Variants in TMEM181 observed in about 807,000 individuals in gnomAD.
The protein encoded by TMEM181 is transmembrane protein 181.
A neutral mutation model predicts 71.9 loss-of-function variants in TMEM181; 39 were observed. The observed-to-expected ratio is 0.54, with a 90% CI of 0.42 to 0.71. The LOEUF is 0.71. Ranked by LOEUF, TMEM181 falls within the 30% of genes least tolerant of loss-of-function variation. TMEM181 has a pLI of 0.00. For synonymous variants in TMEM181, 245 were observed against 228.8 expected (o/e 1.07, Z -0.64); for missense variants, 595 against 583.0 (o/e 1.02, Z -0.21).
chr6:158,590,742 G>C (rs780587463), intron 6 of TMEM181, among the ~76,000 whole-genome samples: 8 of 152,352 alleles, frequency 5.3e-5, no homozygotes, highest in Non-Finnish European at 1.2e-4. Context: ...GATTGCAGGC[G>C]TGAGCCACCG....
rs527900366 is a variant in TMEM181 at position 158,589,693 on chromosome 6, G to A, written c.403G>A (p.Ala135Thr). 6.8e-6 allele frequency: 11 copies of A among 1,614,036 alleles called. No individual in the cohort carries two copies. In the South Asian group the frequency reaches 8.8e-5, roughly 13 times the overall value. ...GCAGAAATGTGCGGAGATTATTGTGGCTCACCTTGGCTACCTGAACTACAC... is the reference window on the plus strand; with the variant it reads ...GCAGAAATGTGCGGAGATTATTGTGACTCACCTTGGCTACCTGAACTACAC... ...CAGKCAEIIV[A>T]HLGYLNYTQY... The change falls in exon 6 of 17, where the codon GCT becomes ACT. Residue 135 changes from alanine (A) to threonine (T), a missense_variant. Physicochemically the swap from Ala to Thr is moderately conservative, Grantham distance 58. Coordinates refer to ENST00000684151, the MANE Select transcript of TMEM181 (RefSeq NM_001376852.1).
rs114720573 is a variant in TMEM181 at position 158,602,483 on chromosome 6, C to T, written c.493-2784C>T. ...AGTGGTTGTGTTACTTTATGTTACA[C>T]CAGTAGCGTGTGAGGGTTTCAGTTA... On this transcript the variant is annotated intron_variant, in intron 6 of 16. Coordinates refer to ENST00000684151, the MANE Select transcript of TMEM181 (RefSeq NM_001376852.1). Among the ~76,000 whole-genome samples the T allele has an allele frequency of 2.8e-3, 425 of 152,312 alleles. 1 individual carries two copies. The highest frequency in any genetic ancestry group is 7.2e-3 in the African/African-American group (298 of 41,562).
intron 1 of TMEM181, among the ~76,000 whole-genome samples, chr6:158,546,894 A>G (rs1582918771): frequency 1.3e-5 from 2 of 152,290 alleles, no homozygotes; most frequent in Admixed American, 6.5e-5. Context: ...CGGGAGGTGG[A>G]GGTTGCAGTG....
intron 6 of TMEM181, among the ~76,000 whole-genome samples, chr6:158,594,420 T>C (rs563181249): frequency 1.4e-3 from 209 of 152,262 alleles, no homozygotes; most frequent in African/African-American, 4.8e-3. Flanking sequence ...TTTTCCAGAA[T>C]GTCATCTAGT....
intron 1 of TMEM181, 100 bp from the exon 2 acceptor site, chr6:158,573,320 T>C: frequency 5.1e-6 from 4 of 778,480 alleles, no homozygotes; most frequent in Non-Finnish European, 8.3e-6. Context: ...GGAGGGGAGG[T>C]GGGCAGTGTC....
At chr6:158,566,243 G>GT (rs144472012) in intron 1 of TMEM181, among the ~76,000 whole-genome samples, 157 of 152,238 alleles carry the variant, frequency 1.0e-3, no homozygotes, top group African/African-American at 3.8e-3. Flanking sequence ...AAGTGGTTGA[G>GT]TAGGGGTCTG....
intron 3 of TMEM181, among the ~76,000 whole-genome samples, chr6:158,582,033 C>T (rs1057483644): frequency 6.6e-6 from 1 of 152,062 alleles, no homozygotes; most frequent in African/African-American, 2.4e-5. Context: ...GTTTTCTACC[C>T]TTATAATTTT....
At chr6:158,542,937 G>A (rs760134930) in intron 1 of TMEM181, among the ~76,000 whole-genome samples, 14 of 143,838 alleles carry the variant, frequency 9.7e-5, no homozygotes, top group Non-Finnish European at 1.8e-4. Flanking sequence ...GTGCAGTGGC[G>A]TGATCTCAGC....
chr6:158,583,934 CTTTG>C lies in TMEM181; in HGVS notation c.169-16_169-13del, dbSNP rs1562635235. 5 of 1,576,198 alleles carry C rather than the reference CTTTG, an allele frequency of 3.2e-6. No individual in the cohort carries two copies. Among genetic ancestry groups the C allele is most frequent in the Non-Finnish European group, 3.5e-6 (4 of 1,157,732 alleles). ...CTCAATGAAAAGGTCACATGGATTACTTTGTTTTTTTTTCTTCAGCTAAAGCCAA... is the reference window on the plus strand; with the variant it reads ...CTCAATGAAAAGGTCACATGGATTACTTTTTTTTTCTTCAGCTAAAGCCAA... On this transcript the variant is annotated splice_polypyrimidine_tract_variant and intron_variant, in intron 3 of 16. Transcript: ENST00000684151.
chr6:158,620,535 G>T lies in TMEM181; in HGVS notation c.897-3015G>T, dbSNP rs1016922815. 6.6e-6 allele frequency among the ~76,000 whole-genome samples: 1 copy of T among 152,182 alleles called. No individual in the cohort carries two copies. Among genetic ancestry groups the T allele is most frequent in the Admixed American group, 6.5e-5 (1 of 15,280 alleles). On this transcript the variant is annotated intron_variant, in intron 10 of 16. Coordinates refer to ENST00000684151, the MANE Select transcript of TMEM181 (RefSeq NM_001376852.1). The surrounding 1 kb of genome is among the most constrained non-coding windows in gnomAD (Gnocchi z 4.5). The stretch of plus-strand genomic sequence containing the variant: ...GAGAGAAAGAAGAGGGAGAAAGAGG[G>T]AGCAAGGGTTAGGGAGCGAAATACC...
At chr6:158,554,486 C>T (rs904876153) in intron 1 of TMEM181, among the ~76,000 whole-genome samples, 8 of 152,208 alleles carry the variant, frequency 5.3e-5, no homozygotes, top group African/African-American at 1.7e-4. Flanking sequence ...TCCCAAAGTG[C>T]TAGGATTATA....
chr6:158,610,621 C>A, intron 10 of TMEM181: 2 of 350,532 alleles, frequency 5.7e-6, no homozygotes, highest in Non-Finnish European at 1.0e-5. Context: ...CTTTTCCTCC[C>A]GAGCTTCTGG....
chr6:158,594,349 T>C (rs2128308063), intron 6 of TMEM181, among the ~76,000 whole-genome samples: 1 of 152,196 alleles, frequency 6.6e-6, no homozygotes, highest in African/African-American at 2.4e-5. Context: ...TCCGCCTGCC[T>C]CGGCCTCCGA....
chr6:158,622,022 C>T (rs1785991510), intron 10 of TMEM181, among the ~76,000 whole-genome samples: 1 of 152,180 alleles, frequency 6.6e-6, no homozygotes, highest in African/African-American at 2.4e-5. Flanking sequence ...AAGGCTGCCT[C>T]CGGACAGCCC....
chr6:158,573,391 C>T (rs757776002), intron 1 of TMEM181, 29 bp from the exon 2 acceptor site: 23 of 1,548,014 alleles, frequency 1.5e-5, no homozygotes, highest in Middle Eastern at 1.7e-4. Context: ...TTCCCCTGAC[C>T]GTCCCTCACT....
chr6:158,536,795 C>A, exon 1 of TMEM181: 1 of 1,561,668 alleles, frequency 6.4e-7, no homozygotes, highest in Non-Finnish European at 8.6e-7. Flanking sequence ...GCACCTGTGC[C>A]GGCGGCTGCG....
At chr6:158,557,416 C>CAA (rs1464249831), upstream of TMEM181, among the ~76,000 whole-genome samples, 3 of 152,130 alleles carry the variant, frequency 2.0e-5, no homozygotes, top group Non-Finnish European at 4.4e-5. Context: ...TCACACCAGG[C>CAA]TTCTTAGAGC....
chr6:158,540,378 C>A (rs2128277072), intron 1 of TMEM181, among the ~76,000 whole-genome samples: 1 of 152,322 alleles, frequency 6.6e-6, no homozygotes, highest in Admixed American at 6.5e-5. Context: ...ATATGCCCTG[C>A]AGAAATGCAT....
chr6:158,632,811 T>A lies in TMEM181; in HGVS notation c.*923T>A, dbSNP rs1786733523. On this transcript the variant is annotated 3_prime_UTR_variant, in exon 17 of 17. Coordinates refer to ENST00000684151, the MANE Select transcript of TMEM181 (RefSeq NM_001376852.1). ...GGCCAGGTGCAGTGGCTCACATCTGTAATCTCAACACTTTGGGAGGCCAAG... is the reference window on the plus strand; with the variant it reads ...GGCCAGGTGCAGTGGCTCACATCTGAAATCTCAACACTTTGGGAGGCCAAG... 1 of 152,454 alleles carries A rather than the reference T, an allele frequency of 6.6e-6. No individual in the cohort carries two copies. Among genetic ancestry groups the A allele is most frequent in the Non-Finnish European group, 1.5e-5 (1 of 68,200 alleles). 9.4% of individuals were successfully genotyped at this position (152,454 alleles called of 1,614,324 possible). A position where few individuals can be genotyped will look rare whatever the true frequency, so the allele number is the denominator to read the frequency against.
Sources: allele counts gnomAD v4.1 joint callset (sites outside exome capture counted in the v4.1 genomes callset), GRCh38; gene constraint gnomAD v4.1.1; non-coding constraint Gnocchi (gnomAD v3.1); transcripts MANE v1.5; gene names NCBI Gene and HGNC (gene_info 2026-07-23, HGNC 2026-07-21).